Variants in NOD2 observed in about 807,000 individuals in gnomAD.
NOD2 encodes nucleotide-binding oligomerization domain-containing protein 2.
Under a neutral mutation model 90.9 loss-of-function variants are expected in NOD2, and 86 were observed. The ratio of observed to expected loss-of-function variants is 0.95; its 90% CI spans 0.79 to 1.13. The LOEUF is 1.13. NOD2 is among the 50% of genes most tolerant of loss of function. The probability of loss-of-function intolerance (pLI) is 0.00; values close to 1 mark genes in which losing one functional copy is unlikely to be tolerated. For missense variants in NOD2, 1,238 were observed against 1,283.8 expected (o/e 0.96, Z 0.55); for synonymous variants, 581 against 554.6 (o/e 1.05, Z -0.67).
intron 11 of NOD2, among the ~76,000 whole-genome samples, 175 bp from the exon 12 acceptor site, chr16:50,731,572 G>C (rs1374739147): frequency 1.3e-5 from 2 of 152,176 alleles, no homozygotes; most frequent in African/African-American, 4.8e-5. Context: ...TGCTTCCTGA[G>C]CTGCCCTGGT....
intron 2 of NOD2, among the ~76,000 whole-genome samples, chr16:50,703,794 C>T (rs562427721): frequency 2.6e-5 from 4 of 152,028 alleles, no homozygotes; most frequent in Middle Eastern, 3.2e-3. Flanking sequence ...CTTTTCCTTC[C>T]CTGGGAATTT....
intron 4 of NOD2, 46 bp from the exon 5 acceptor site, chr16:50,716,541 T>C: frequency 6.5e-7 from 1 of 1,546,380 alleles, no homozygotes; most frequent in Non-Finnish European, 8.9e-7. Context: ...ATTTTTTTCT[T>C]GTCTTACTAG....
intron 1 of NOD2, 110 bp downstream of exon 1, chr16:50,693,772 G>T (rs896631575): frequency 2.0e-5 from 3 of 152,336 alleles, no homozygotes; most frequent in African/African-American, 7.2e-5. Context: ...TGGCCGCAGG[G>T]CTTGGGCAAG....
At chr16:50,714,274 T>C (rs1431930993) in intron 4 of NOD2, among the ~76,000 whole-genome samples, 2 of 152,072 alleles carry the variant, frequency 1.3e-5, no homozygotes, top group Non-Finnish European at 2.9e-5. Context: ...CAGAGAAAGG[T>C]GAGGGTGGCC....
At chr16:50,707,796 C>A in intron 2 of NOD2, 59 bp from the exon 3 acceptor site, 1 of 1,195,684 alleles carries the variant, frequency 8.4e-7, no homozygotes, top group Non-Finnish European at 1.3e-6. Context: ...ATCAGTAAGC[C>A]TTCCCACATT....
At position 50,721,136 on chromosome 16, in the gene NOD2, A is replaced by G. The variant is rs573049067; in HGVS notation, c.2633+1128A>G. 5.9e-5 allele frequency among the ~76,000 whole-genome samples: 9 copies of G among 152,134 alleles called. No individual in the cohort carries two copies. In the East Asian group the frequency reaches 1.8e-3, roughly 30 times the overall value. ...CTCAGTTTGAGCCACAAATGGGACT[A>G]TGTTGCTCTAGAAATCAACATCTTT... On this transcript the variant is annotated intron_variant, in intron 7 of 11. Transcript: ENST00000647318.
chr16:50,694,460 C>G (rs1596812726), intron 1 of NOD2, among the ~76,000 whole-genome samples: 1 of 152,114 alleles, frequency 6.6e-6, no homozygotes, highest in African/African-American at 2.4e-5. Context: ...GCTGGGGCCC[C>G]TGAGTTTGTT....
At chr16:50,723,890 C>T (rs753840087) in intron 9 of NOD2, among the ~76,000 whole-genome samples, 18 of 152,150 alleles carry the variant, frequency 1.2e-4, no homozygotes, top group Non-Finnish European at 2.2e-4. Context: ...GCTGCTGCTG[C>T]TGCTGCTGCT....
intron 9 of NOD2, among the ~76,000 whole-genome samples, chr16:50,724,285 G>A (rs1965190349): frequency 6.6e-6 from 1 of 152,196 alleles, no homozygotes; most frequent in Non-Finnish European, 1.5e-5. Flanking sequence ...ACTCAAGTAT[G>A]ATTGATTCTA....
chr16:50,706,814 A>G (rs1280673414), intron 2 of NOD2, among the ~76,000 whole-genome samples: 1 of 150,864 alleles, frequency 6.6e-6, no homozygotes, highest in East Asian at 2.0e-4. Flanking sequence ...CTCCTGCCTC[A>G]GCCTCCTGAG....
intron 6 of NOD2, 103 bp downstream of exon 6, chr16:50,717,077 C>T: frequency 3.1e-6 from 3 of 960,852 alleles, no homozygotes; most frequent in Non-Finnish European, 5.1e-6. Context: ...GGCTCCTGAC[C>T]TCCTGATTGA....
chr16:50,726,653 C>T (rs1007362729), intron 10 of NOD2, among the ~76,000 whole-genome samples: 1 of 152,192 alleles, frequency 6.6e-6, no homozygotes, highest in African/African-American at 2.4e-5. Flanking sequence ...CACAGCCTTA[C>T]TCCACTTGAC....
At chr16:50,710,496 T>C (rs1755647151) in intron 3 of NOD2, 62 bp from the exon 4 acceptor site, 1 of 1,611,080 alleles carries the variant, frequency 6.2e-7, no homozygotes, top group Non-Finnish European at 8.5e-7. Context: ...CAGCCCATTG[T>C]CTGGTTAGGT....
intron 3 of NOD2, chr16:50,709,847 TGA>T (rs1964378010): frequency 2.3e-6 from 1 of 425,702 alleles, no homozygotes; most frequent in African/African-American, 2.1e-5. Context: ...CACCATTTTT[TGA>T]GAGTTTGCCA....
At chr16:50,709,023 G>T (rs1262518180) in intron 3 of NOD2, among the ~76,000 whole-genome samples, 3 of 152,178 alleles carry the variant, frequency 2.0e-5, no homozygotes, top group Non-Finnish European at 4.4e-5. Context: ...GTGACAATTG[G>T]TGTGTTTATT....
At chr16:50,696,018 C>T (rs1963630098) in intron 1 of NOD2, among the ~76,000 whole-genome samples, 1 of 149,528 alleles carries the variant, frequency 6.7e-6, no homozygotes, top group Admixed American at 6.8e-5. Context: ...GTGCATTGTG[C>T]ACTGGTGGGG....
intron 2 of NOD2, among the ~76,000 whole-genome samples, chr16:50,701,855 T>C (rs994815057): frequency 1.3e-5 from 2 of 152,158 alleles, no homozygotes; most frequent in Non-Finnish European, 2.9e-5. Context: ...TCAAAATCTA[T>C]TGGATGCAGC....
intron 2 of NOD2, among the ~76,000 whole-genome samples, chr16:50,702,941 G>GGTAACACCAGCT (rs1391125827): frequency 6.6e-6 from 1 of 152,178 alleles, no homozygotes; most frequent in Non-Finnish European, 1.5e-5. Context: ...ACCTGAGGCT[G>GGTAACACCAGCT]GTAACACCAG....
At chr16:50,704,905 T>A (rs1207173599) in intron 2 of NOD2, among the ~76,000 whole-genome samples, 1 of 152,256 alleles carries the variant, frequency 6.6e-6, no homozygotes, top group Non-Finnish European at 1.5e-5. Context: ...TGTGCCTTGG[T>A]GTTCTTCCAT....
Sources: allele counts gnomAD v4.1 joint callset (sites outside exome capture counted in the v4.1 genomes callset), GRCh38; gene constraint gnomAD v4.1.1; transcripts MANE v1.5; gene names NCBI Gene and HGNC (gene_info 2026-07-23, HGNC 2026-07-21).